The following RASA2 variants were observed in gnomAD, a reference collection of about 807,000 sequenced individuals.
RASA2 encodes RAS p21 protein activator 2.
Under a neutral mutation model 118.2 loss-of-function variants are expected in RASA2, and 155 were observed. The ratio of observed to expected loss-of-function variants is 1.31; its 90% CI spans 1.15 to 1.50. The LOEUF (loss-of-function observed/expected upper bound fraction) is 1.50. RASA2 is among the 40% of genes most tolerant of loss of function. RASA2 has a pLI of 0.00. For synonymous variants in RASA2, 353 were observed against 349.1 expected, an observed-to-expected ratio of 1.01 and a Z score of -0.12; for missense variants, 1,016 against 1,009.6, an observed-to-expected ratio of 1.01 and a Z score of -0.09.
At chr3:141,496,106 G>A (rs565177224) in intron 1 of RASA2, among the ~76,000 whole-genome samples, 5 of 152,312 alleles carry the variant, frequency 3.3e-5, no homozygotes, top group Non-Finnish European at 5.9e-5. Flanking sequence ...GGGAAAACTG[G>A]CTAGGCATGT....
intron 4 of RASA2, 66 bp downstream of exon 4, chr3:141,529,868 AAACTG>A: frequency 4.9e-6 from 6 of 1,227,804 alleles, no homozygotes; most frequent in Non-Finnish European, 5.9e-6. Flanking sequence ...TGAACTAATT[AAACTG>A]GTTCATGTAA....
intron 1 of RASA2, among the ~76,000 whole-genome samples, chr3:141,506,875 C>T (rs747500300): frequency 2.9e-4 from 43 of 147,514 alleles, no homozygotes; most frequent in Non-Finnish European, 5.5e-4. Flanking sequence ...ATGATTGTGC[C>T]ACTGCACTCC....
chr3:141,554,517 G>A (rs937392061), intron 6 of RASA2, among the ~76,000 whole-genome samples: 2 of 151,968 alleles, frequency 1.3e-5, no homozygotes, highest in Admixed American at 6.6e-5. Context: ...TTTGTAATAC[G>A]GTGTGTTATA....
chr3:141,517,011 C>A (rs2082037395), intron 3 of RASA2, among the ~76,000 whole-genome samples: 1 of 152,088 alleles, frequency 6.6e-6, no homozygotes, highest in African/African-American at 2.4e-5. Flanking sequence ...TGCAGGAAAT[C>A]CACCTGCCTC....
At chr3:141,572,750 A>G in intron 12 of RASA2, 27 bp downstream of exon 12, 1 of 1,477,692 alleles carries the variant, frequency 6.8e-7, no homozygotes. Context: ...CAACAATGAT[A>G]GTTTGTGGCC....
At chr3:141,494,332 C>T (rs1223789887) in intron 1 of RASA2, among the ~76,000 whole-genome samples, 1 of 152,234 alleles carries the variant, frequency 6.6e-6, no homozygotes, top group Non-Finnish European at 1.5e-5. Flanking sequence ...TTTAAAACTT[C>T]TTAATCTTTA....
chr3:141,558,818 T>A, intron 7 of RASA2, 68 bp from the exon 8 acceptor site: 1 of 1,207,766 alleles, frequency 8.3e-7, no homozygotes, highest in Non-Finnish European at 1.2e-6. Context: ...TTGCAGATGA[T>A]CATTTTTAAG....
chr3:141,599,341 C>T lies in RASA2; in HGVS notation c.1934-8337C>T, dbSNP rs996316016. ...TTTTCACAAGGCTTTTTTGGGACTACAGTCAATGATTAGCAACACACAATA... is the reference window on the plus strand; with the variant it reads ...TTTTCACAAGGCTTTTTTGGGACTATAGTCAATGATTAGCAACACACAATA... On this transcript the variant is annotated intron_variant, in intron 19 of 23. Coordinates refer to ENST00000286364, the MANE Select transcript of RASA2 (RefSeq NM_006506.5). Among the ~76,000 whole-genome samples the T allele has an allele frequency of 2.0e-5, 3 of 149,484 alleles. 1 individual carries two copies.
At chr3:141,540,487 G>A (rs2082389815) in intron 4 of RASA2, 46 bp from the exon 5 acceptor site, 1 of 1,466,912 alleles carries the variant, frequency 6.8e-7, no homozygotes, top group African/African-American at 1.4e-5. Context: ...TTAATATTTT[G>A]TCAGTAAAAT....
chr3:141,542,277 T>C (rs1188716334), intron 5 of RASA2, among the ~76,000 whole-genome samples: 1 of 152,202 alleles, frequency 6.6e-6, no homozygotes, highest in Non-Finnish European at 1.5e-5. Flanking sequence ...AACAAAAGTA[T>C]ATGATATGTC....
intron 1 of RASA2, among the ~76,000 whole-genome samples, chr3:141,499,392 T>A (rs1208073935): frequency 1.3e-5 from 2 of 152,180 alleles, no homozygotes; most frequent in Admixed American, 1.3e-4. Flanking sequence ...TTATGTGGAA[T>A]TGTACTTATA....
intron 19 of RASA2, 77 bp from the exon 20 acceptor site, chr3:141,607,601 C>G (rs918522302): frequency 3.6e-6 from 5 of 1,405,878 alleles, no homozygotes; most frequent in Admixed American, 5.8e-5. Context: ...GAGCTTAAAC[C>G]CTACAGAATT....
chr3:141,554,251 A>G (rs2082616471), intron 6 of RASA2, among the ~76,000 whole-genome samples: 1 of 152,200 alleles, frequency 6.6e-6, no homozygotes, highest in South Asian at 2.1e-4. Flanking sequence ...CAGCATTCCT[A>G]CTTTTCAAAT....
At chr3:141,496,474 A>T (rs1183896429) in intron 1 of RASA2, among the ~76,000 whole-genome samples, 6 of 152,244 alleles carry the variant, frequency 3.9e-5, no homozygotes, top group Non-Finnish European at 8.8e-5. Flanking sequence ...ATTTACAAGA[A>T]AAAAACAACC....
intron 14 of RASA2, among the ~76,000 whole-genome samples, chr3:141,575,606 A>G (rs1438318303): frequency 6.6e-6 from 1 of 152,226 alleles, no homozygotes; most frequent in East Asian, 1.9e-4. Context: ...GAGTAACTTT[A>G]CCAAGGTCTG....
At position 141,609,890 on chromosome 3, in the gene RASA2, T is replaced by C. The variant is rs770313402; in HGVS notation, c.2343T>C (p.Thr781=). The change falls in exon 23 of 24, where the codon ACT becomes ACC. Residue 781 remains threonine, a synonymous_variant. Transcript: ENST00000286364. Reference sequence around the variant, plus strand: ...TGCTCTTTGTAGAGGCTTGTGGAACTATTGCAGTCTATCAAGGACCACAGA... The same window carrying C: ...TGCTCTTTGTAGAGGCTTGTGGAACCATTGCAGTCTATCAAGGACCACAGA... ...KLQKMEEACG[T]IAVYQGPQKE... 1 of 1,574,438 alleles carries C rather than the reference T, an allele frequency of 6.4e-7. No individual in the cohort carries two copies. Among genetic ancestry groups the C allele is most frequent in the Non-Finnish European group, 8.6e-7 (1 of 1,165,234 alleles).
chr3:141,609,842 G>A (rs752281871), intron 22 of RASA2, 35 bp from the exon 23 acceptor site: 17 of 1,488,682 alleles, frequency 1.1e-5, no homozygotes, highest in Non-Finnish European at 1.4e-5. Context: ...GAATTTAGTT[G>A]TCTGATCAGA....
intron 4 of RASA2, among the ~76,000 whole-genome samples, chr3:141,532,048 A>C (rs776813671): frequency 1.3e-5 from 2 of 152,124 alleles, no homozygotes; most frequent in Non-Finnish European, 2.9e-5. Context: ...ACTCAGTCTG[A>C]TAATTACTAT....
At position 141,609,527 on chromosome 3, in the gene RASA2, A is replaced by G; in HGVS notation, c.2329+4A>G. On this transcript the variant is annotated splice_donor_region_variant and intron_variant, in intron 22 of 23. Transcript: ENST00000286364. Reference sequence around the variant, plus strand: ...CTTAAGCTGCAGAAGATGGAAGGTAAATACACAATCTATTTTTATATAACC... The same window carrying G: ...CTTAAGCTGCAGAAGATGGAAGGTAGATACACAATCTATTTTTATATAACC... 1 of 1,534,556 alleles carries G rather than the reference A, an allele frequency of 6.5e-7. No individual in the cohort carries two copies. Among genetic ancestry groups the G allele is most frequent in the Non-Finnish European group, 9.0e-7 (1 of 1,112,676 alleles).
Sources: gnomAD v4.1 joint callset for allele counts (sites outside exome capture counted in the v4.1 genomes callset) on GRCh38, gnomAD v4.1.1 for gene constraint, MANE v1.5 for transcripts, NCBI Gene and HGNC (gene_info 2026-07-23, HGNC 2026-07-21) for gene names.